The following NKAIN3 variants were observed in gnomAD, a reference collection of about 807,000 sequenced individuals.
The protein encoded by NKAIN3 is sodium/potassium transporting ATPase interacting 3, also known as sodium/potassium-transporting ATPase subunit beta-1-interacting protein 3.
A neutral mutation model predicts 30.2 loss-of-function variants in NKAIN3; 25 were observed. The observed-to-expected ratio is 0.83, with a 90% CI of 0.60 to 1.16. NKAIN3 has a LOEUF of 1.16. Among genes scored for constraint, NKAIN3 ranks in the 50% most tolerant of loss-of-function variants. The pLI is 0.00. For synonymous variants in NKAIN3, 91 were observed against 89.6 expected (o/e 1.02, Z -0.09); for missense variants, 225 against 254.1 (o/e 0.89, Z 0.78).
At chr8:62,444,894 A>C (rs998485990) in intron 1 of NKAIN3, among the ~76,000 whole-genome samples, 3 of 151,770 alleles carry the variant, frequency 2.0e-5, no homozygotes, top group Non-Finnish European at 4.4e-5. Flanking sequence ...TTCTGATAAA[A>C]CCCATTTTAA....
intron 3 of NKAIN3, among the ~76,000 whole-genome samples, chr8:62,698,929 G>A (rs538498314): frequency 1.2e-4 from 18 of 152,046 alleles, no homozygotes; most frequent in Admixed American, 9.2e-4. Context: ...AACTGTTTTC[G>A]AATTTCATAT....
chr8:62,946,118 A>G (rs1823118367), intron 5 of NKAIN3, among the ~76,000 whole-genome samples: 1 of 152,194 alleles, frequency 6.6e-6, no homozygotes, highest in African/African-American at 2.4e-5. Flanking sequence ...AGGAGATTTT[A>G]AACTTCCTGA....
chr8:62,713,823 A>G (rs576839893), intron 3 of NKAIN3, among the ~76,000 whole-genome samples: 1 of 152,178 alleles, frequency 6.6e-6, no homozygotes, highest in Non-Finnish European at 1.5e-5. Flanking sequence ...GCTTCTGTAT[A>G]AATTTCATTA....
intron 4 of NKAIN3, among the ~76,000 whole-genome samples, chr8:62,759,189 T>C (rs1410272811): frequency 1.3e-5 from 2 of 152,202 alleles, no homozygotes; most frequent in Non-Finnish European, 2.9e-5. Flanking sequence ...TGAAAACTTA[T>C]TTAATATGAT....
At chr8:62,609,483 A>G (rs1363165103) in intron 3 of NKAIN3, among the ~76,000 whole-genome samples, 2 of 152,194 alleles carry the variant, frequency 1.3e-5, no homozygotes, top group Non-Finnish European at 2.9e-5. Flanking sequence ...CATTTGTTCA[A>G]CAAGTTTATT....
At chr8:62,898,142 G>T (rs184062691) in intron 4 of NKAIN3, among the ~76,000 whole-genome samples, 94 of 152,092 alleles carry the variant, frequency 6.2e-4, no homozygotes, top group African/African-American at 2.1e-3. Context: ...CAACTGAAGG[G>T]AAATATCATG....
intron 4 of NKAIN3, among the ~76,000 whole-genome samples, chr8:62,901,839 C>G (rs571620713): frequency 6.6e-6 from 1 of 152,144 alleles, no homozygotes; most frequent in African/African-American, 2.4e-5. Flanking sequence ...TTATCTGCAT[C>G]GAGGGGCTGA....
intron 4 of NKAIN3, among the ~76,000 whole-genome samples, chr8:62,906,197 G>C (rs1455578): frequency 1.3e-5 from 2 of 152,036 alleles, no homozygotes; most frequent in African/African-American, 4.8e-5. Context: ...TTCTGACCCA[G>C]CACCCATGGA....
chr8:62,420,936 G>T (rs1804618875), intron 1 of NKAIN3, among the ~76,000 whole-genome samples: 2 of 152,112 alleles, frequency 1.3e-5, no homozygotes, highest in Non-Finnish European at 2.9e-5. Context: ...ATACTACACA[G>T]AAATGGCATA....
rs1297897172 is a variant in NKAIN3 at position 62,249,079 on chromosome 8, C to T, written c.6C>T (p.Gly2=). 19 of 1,537,978 alleles carry T rather than the reference C, an allele frequency of 1.2e-5. No homozygotes were observed. In the East Asian group the frequency reaches 3.5e-4, roughly 29 times the overall value. ...GCTCGGACGCCGCCGGCACCATGGG[C>T]TGCTGCACCGGACGCTGCTCGCTCA... M[G]CCTGRCSLIC... Residue 2 remains glycine (G), a synonymous_variant, in exon 1 of 7, where the codon GGC becomes GGT. Transcript: ENST00000623646.
In NKAIN3 at chr8:62,289,179, C is replaced by G. The variant is rs535367280; in HGVS notation, c.54+40052C>G. On this transcript the variant is annotated intron_variant, in intron 1 of 6. Transcript: ENST00000623646. Reference sequence around the variant, plus strand: ...ATGAGTAGATGGCAAAAATTTTCTCCCATTCTGTAGGTTGCCTGTTCACTC... The same window carrying G: ...ATGAGTAGATGGCAAAAATTTTCTCGCATTCTGTAGGTTGCCTGTTCACTC... Among the ~76,000 whole-genome samples the G allele has an allele frequency of 4.6e-5, 7 of 152,182 alleles. No homozygotes were observed. The South Asian group carries it at 1.5e-3, about 32-fold the overall frequency.
At chr8:62,611,575 C>T (rs889063764) in intron 3 of NKAIN3, among the ~76,000 whole-genome samples, 1 of 152,112 alleles carries the variant, frequency 6.6e-6, no homozygotes, top group African/African-American at 2.4e-5. Context: ...TTTCCCTTAA[C>T]ATGATGACCT....
intron 4 of NKAIN3, among the ~76,000 whole-genome samples, chr8:62,906,752 C>T (rs1233802120): frequency 6.6e-6 from 1 of 152,150 alleles, no homozygotes; most frequent in Non-Finnish European, 1.5e-5. Context: ...TGCCTTCTGC[C>T]ATTATTGTGA....
intron 5 of NKAIN3, among the ~76,000 whole-genome samples, chr8:62,946,228 G>T (rs952380655): frequency 5.3e-5 from 8 of 152,210 alleles, no homozygotes; most frequent in Non-Finnish European, 8.8e-5. Context: ...TTTCAGGAAG[G>T]GGGTAGCACA....
intron 1 of NKAIN3, among the ~76,000 whole-genome samples, chr8:62,375,268 A>G (rs1203155596): frequency 6.6e-6 from 1 of 152,210 alleles, no homozygotes; most frequent in Non-Finnish European, 1.5e-5. Context: ...GTGAAGATCA[A>G]TTATATAAGG....
intron 4 of NKAIN3, among the ~76,000 whole-genome samples, chr8:62,917,876 CAA>C (rs1387586333): frequency 6.6e-6 from 1 of 152,134 alleles, no homozygotes; most frequent in Non-Finnish European, 1.5e-5. Flanking sequence ...TACTAGTATC[CAA>C]AGTACAAATC....
intron 1 of NKAIN3, among the ~76,000 whole-genome samples, chr8:62,281,673 A>G (rs1329699625): frequency 2.0e-5 from 3 of 152,142 alleles, no homozygotes; most frequent in Non-Finnish European, 4.4e-5. Flanking sequence ...GTTTCCATGT[A>G]GTTGAGTGGT....
intron 5 of NKAIN3, among the ~76,000 whole-genome samples, chr8:62,950,022 A>ATCTCC (rs1823238204): frequency 6.6e-6 from 1 of 152,184 alleles, no homozygotes; most frequent in African/African-American, 2.4e-5. Context: ...TTAATTCAGC[A>ATCTCC]TCTTCTCTTC....
rs186972085 is a variant in NKAIN3, at chr8:62,769,743, G to A, written c.471+22614G>A. Among the ~76,000 whole-genome samples, 980 of 152,256 alleles carry A rather than the reference G, an allele frequency of 6.4e-3. 10 individuals are homozygous for A. The highest frequency in any genetic ancestry group is 0.022 in the African/African-American group (919 of 41,558). On this transcript the variant is annotated intron_variant, in intron 4 of 6. Transcript: ENST00000623646. The stretch of plus-strand genomic sequence containing the variant: ...AGCCTTCTCTATCATTAAACCCAAA[G>A]TTTCTAAAGTCTTATCTCTAGACCA...
Sources: gnomAD v4.1 joint callset for allele counts (sites outside exome capture counted in the v4.1 genomes callset) on GRCh38, gnomAD v4.1.1 for gene constraint, MANE v1.5 for transcripts, NCBI Gene and HGNC (gene_info 2026-07-23, HGNC 2026-07-21) for gene names.